The following SARNP variants were observed in gnomAD, a reference collection of about 807,000 sequenced individuals.
SARNP encodes the protein SAP domain containing ribonucleoprotein, also known as SAP domain-containing ribonucleoprotein.
In SARNP, 5 loss-of-function variants were observed where a neutral mutation model predicts 38.1. The observed-to-expected ratio is 0.13, with a 90% confidence interval of 0.07 to 0.28. The LOEUF is 0.28. Among genes scored for constraint, SARNP ranks in the 10% least tolerant of loss-of-function variants. The pLI is 1.00. For missense variants in SARNP, 180 were observed against 243.9 expected, an observed-to-expected ratio of 0.74 and a Z score of 1.75; for synonymous variants, 84 against 80.6, an observed-to-expected ratio of 1.04 and a Z score of -0.23.
chr12:55,752,688 A>G (rs1878362666), downstream of SARNP: 1 of 152,220 alleles, frequency 6.6e-6, no homozygotes, highest in South Asian at 2.1e-4. Context: ...GAATGCCAGG[A>G]AAGAACTTCT....
At chr12:55,764,558 T>G (rs1592555461) in intron 9 of SARNP, among the ~76,000 whole-genome samples, 1 of 144,250 alleles carries the variant, frequency 6.9e-6, no homozygotes, top group Admixed American at 7.0e-5. Flanking sequence ...AGAATAAGGC[T>G]GGGCGCAGTG....
chr12:55,794,071 G>C (rs1879751381), intron 7 of SARNP: 1 of 397,276 alleles, frequency 2.5e-6, no homozygotes, highest in Admixed American at 4.5e-5. Flanking sequence ...TTATGCAGTT[G>C]AGACCCCAGA....
rs185084121 is a variant in SARNP, at chr12:55,797,645, T to C, written c.252-1569A>G. Among the ~76,000 whole-genome samples the C allele has an allele frequency of 1.3e-4, 20 of 152,340 alleles. No homozygotes were observed. The East Asian group carries it at 3.8e-3, about 29-fold the overall frequency. Reference sequence around the variant, plus strand: ...AGCACAGTCAATGCAGTGCACATCATGGCAGAAAGGGAACCCCAGACGGGA... The same window carrying C: ...AGCACAGTCAATGCAGTGCACATCACGGCAGAAAGGGAACCCCAGACGGGA... On this transcript the variant is annotated intron_variant, in intron 4 of 10. Coordinates refer to ENST00000336133, the MANE Select transcript of SARNP (RefSeq NM_033082.4).
At chr12:55,817,545 C>T in intron 1 of SARNP, 121 bp downstream of exon 1, 2 of 876,746 alleles carry the variant, frequency 2.3e-6, no homozygotes, top group Non-Finnish European at 3.5e-6. Flanking sequence ...AGAGCTACGG[C>T]GGGAGCCGAG....
chr12:55,806,682 G>C (rs759417451), intron 1 of SARNP, among the ~76,000 whole-genome samples: 1 of 152,172 alleles, frequency 6.6e-6, no homozygotes, highest in Non-Finnish European at 1.5e-5. Context: ...TGGGACTACA[G>C]GCGCATGCCA....
At chr12:55,761,057 A>G (rs1369823980) in intron 9 of SARNP, among the ~76,000 whole-genome samples, 1 of 151,970 alleles carries the variant, frequency 6.6e-6, no homozygotes, top group African/African-American at 2.4e-5. Context: ...GGCGCCTGTA[A>G]TCCCAGCTAC....
At chr12:55,789,239 G>C (rs1879593867) in intron 8 of SARNP, 96 bp from the exon 9 acceptor site, 2 of 809,830 alleles carry the variant, frequency 2.5e-6, no homozygotes, top group South Asian at 3.3e-5. Context: ...GTTCAAATAA[G>C]CCTATAACAT....
At chr12:55,799,938 C>A (rs926491045) in intron 4 of SARNP, among the ~76,000 whole-genome samples, 1 of 151,512 alleles carries the variant, frequency 6.6e-6, no homozygotes, top group Non-Finnish European at 1.5e-5. Flanking sequence ...ACCTGTAATC[C>A]CAGCACTTTG....
chr12:55,800,415 T>A (rs1330204916), intron 4 of SARNP, 147 bp downstream of exon 4: 1 of 567,004 alleles, frequency 1.8e-6, no homozygotes, highest in African/African-American at 1.9e-5. Context: ...TACTTTGAAG[T>A]AGTCCCTTCT....
Position 55,767,848 on chromosome 12 carries a change from G to GAAAA in SARNP, c.502-7212_502-7209dup, listed in dbSNP as rs767928003. Among the ~76,000 whole-genome samples, 104 of 35,396 alleles carry GAAAA rather than the reference G, an allele frequency of 2.9e-3. 2 individuals carry two copies. Among genetic ancestry groups the GAAAA allele is most frequent in the African/African-American group, 9.6e-3 (99 of 10,364 alleles). The allele number at this position is 35,396 out of a possible 152,430, so 23.2% of individuals were successfully genotyped here. ...GGCAACAGAGCGAGACTCCCTCTCA[G>GAAAA]AAAAAAAAAAAAAAAAAAAAAAAGG... is the stretch of plus-strand genomic sequence containing the variant. On this transcript the variant is annotated intron_variant, in intron 9 of 10. Transcript: ENST00000336133.
chr12:55,761,080 G>A (rs1018731968), intron 9 of SARNP, among the ~76,000 whole-genome samples: 7 of 152,068 alleles, frequency 4.6e-5, no homozygotes, highest in African/African-American at 1.7e-4. Flanking sequence ...GGGAGGCTGA[G>A]GCAGAGAACT....
intron 9 of SARNP, among the ~76,000 whole-genome samples, chr12:55,780,084 G>A (rs533372739): frequency 5.3e-5 from 8 of 152,292 alleles, no homozygotes; most frequent in African/African-American, 1.7e-4. Flanking sequence ...GGAGGTGGAG[G>A]CTGCAGTTAG....
chr12:55,770,425 G>A (rs12370595), intron 9 of SARNP, among the ~76,000 whole-genome samples: 2 of 147,210 alleles, frequency 1.4e-5, no homozygotes, highest in African/African-American at 5.0e-5. Flanking sequence ...ATTTTTAGTA[G>A]AGACGGGTTT....
chr12:55,817,625 C>T, intron 1 of SARNP, 41 bp downstream of exon 1: 1 of 1,592,950 alleles, frequency 6.3e-7, no homozygotes, highest in South Asian at 1.1e-5. Context: ...GAATTCAGTT[C>T]CTAGAAAAGT....
intron 4 of SARNP, among the ~76,000 whole-genome samples, chr12:55,796,691 C>T (rs2136198711): frequency 6.6e-6 from 1 of 152,302 alleles, no homozygotes; most frequent in African/African-American, 2.4e-5. Context: ...GCATCAGCCA[C>T]CGAGCCCAGC....
At chr12:55,799,558 A>ATTTTTT (rs1879917177) in intron 4 of SARNP, among the ~76,000 whole-genome samples, 1 of 15,790 alleles carries the variant, frequency 6.3e-5, no homozygotes, top group Non-Finnish European at 1.2e-4. Context: ...AGAGTGTCAC[A>ATTTTTT]CTTTTTTTTT....
chr12:55,776,170 T>G (rs1879174811), intron 9 of SARNP, among the ~76,000 whole-genome samples: 1 of 152,112 alleles, frequency 6.6e-6, no homozygotes, highest in African/African-American at 2.4e-5. Flanking sequence ...TAAGGCTAGG[T>G]GCAGTGGCTT....
intron 9 of SARNP, among the ~76,000 whole-genome samples, chr12:55,775,542 CA>C (rs1301695865): frequency 9.5e-5 from 10 of 105,212 alleles, no homozygotes; most frequent in African/African-American, 3.9e-4. Context: ...AAAAAAAAAA[CA>C]AAAAACAAAA....
At chr12:55,770,385 C>T (rs1878971292) in intron 9 of SARNP, among the ~76,000 whole-genome samples, 1 of 151,322 alleles carries the variant, frequency 6.6e-6, no homozygotes, top group Non-Finnish European at 1.5e-5. Context: ...CACCACCACG[C>T]CCAGCTAGGT....
Sources: allele counts gnomAD v4.1 joint callset (sites outside exome capture counted in the v4.1 genomes callset), GRCh38; gene constraint gnomAD v4.1.1; transcripts MANE v1.5; gene names NCBI Gene and HGNC (gene_info 2026-07-23, HGNC 2026-07-21).